COL5A1: variants seen among roughly 807,000 people sequenced by gnomAD.
The protein encoded by COL5A1 is collagen alpha-1(V) chain.
Under a neutral mutation model 263.7 loss-of-function variants are expected in COL5A1, and 16 were observed. The observed-to-expected ratio is 0.06, with a 90% CI of 0.04 to 0.09. The LOEUF is 0.09. Ranked by LOEUF, COL5A1 falls within the 10% of genes least tolerant of loss-of-function variation. COL5A1 has a pLI of 1.00. For missense variants in COL5A1, 2,036 were observed against 2,540.5 expected (o/e 0.80, Z 4.27); for synonymous variants, 1,012 against 1,004.5 (o/e 1.01, Z -0.14).
chr9:134,748,268 CAT>C (rs1295352139), intron 11 of COL5A1, among the ~76,000 whole-genome samples: 1 of 152,082 alleles, frequency 6.6e-6, no homozygotes, highest in East Asian at 1.9e-4. Flanking sequence ...CATGCACACA[CAT>C]GCCTTTACAC....
Position 134,757,832 on chromosome 9 carries a change from C to T in COL5A1, c.1882-411C>T, listed in dbSNP as rs945471487. ...CCAATGGGTACGCGTACCTCCTGAG[C>T]GCGGGCAGCCCCTCGGCACCATGGA... On this transcript the variant is annotated intron_variant, in intron 17 of 65. Coordinates refer to ENST00000371817, the MANE Select transcript of COL5A1 (RefSeq NM_000093.5). This position sits in a 1 kb window ranked among gnomAD's most constrained non-coding sequence, Gnocchi z 6.2. Among the ~76,000 whole-genome samples the T allele has an allele frequency of 2.6e-4, 40 of 152,134 alleles. No individual in the cohort carries two copies. Among genetic ancestry groups the T allele is most frequent in the Non-Finnish European group, 1.6e-4 (11 of 68,028 alleles).
At chr9:134,688,183 C>T (rs1031776146) in intron 1 of COL5A1, among the ~76,000 whole-genome samples, 7 of 152,214 alleles carry the variant, frequency 4.6e-5, no homozygotes, top group African/African-American at 1.4e-4. Flanking sequence ...CAGAGATCTG[C>T]GAACATGTCC....
At chr9:134,685,905 TCCATCCATCCATTCATCCATCCAC>T (rs1833060421) in intron 1 of COL5A1, among the ~76,000 whole-genome samples, 1 of 146,938 alleles carries the variant, frequency 6.8e-6, no homozygotes, top group Non-Finnish European at 1.5e-5. Context: ...CCAGCCACCA[TCCATCCATCCATTCATCCATCCAC>T]CCATCCATCC....
chr9:134,735,615 C>T (rs1415311961), intron 9 of COL5A1, among the ~76,000 whole-genome samples: 2 of 152,168 alleles, frequency 1.3e-5, no homozygotes, highest in African/African-American at 2.4e-5. Flanking sequence ...GCAAGGTCCC[C>T]GCCCGCGTTG....
chr9:134,703,239 A>G (rs1490449081), intron 4 of COL5A1, among the ~76,000 whole-genome samples: 2 of 152,166 alleles, frequency 1.3e-5, no homozygotes, highest in African/African-American at 2.4e-5. Context: ...TTTGCAAGCT[A>G]TTGAGACACA....
chr9:134,721,288 GCCCAGGCTCC>G (rs1339497923), intron 4 of COL5A1, among the ~76,000 whole-genome samples: 1 of 143,344 alleles, frequency 7.0e-6, no homozygotes, highest in Non-Finnish European at 1.5e-5. Context: ...ATCCAGGGCT[GCCCAGGCTCC>G]CCCATAGTAC....
intron 31 of COL5A1, among the ~76,000 whole-genome samples, chr9:134,788,233 C>A (rs1934533164): frequency 7.7e-6 from 1 of 129,802 alleles, no homozygotes; most frequent in African/African-American, 3.0e-5. Flanking sequence ...TAGGTAGACA[C>A]ATGGATAGAC....
chr9:134,807,577 G>C (rs1482208588), intron 42 of COL5A1, among the ~76,000 whole-genome samples: 2 of 152,222 alleles, frequency 1.3e-5, no homozygotes, highest in Middle Eastern at 3.2e-3. Flanking sequence ...ACAGGCGTGA[G>C]CCACTGCGCC....
chr9:134,842,257 C>T lies in COL5A1; in HGVS notation c.5471C>T (p.Ser1824Leu). 1 of 1,614,216 alleles carries T rather than the reference C, an allele frequency of 6.2e-7. No individual in the cohort carries two copies. The highest frequency in any genetic ancestry group is 8.5e-7 in the Non-Finnish European group (1 of 1,180,032). Residue 1824 changes from serine (S) to leucine (L), a missense_variant, in exon 66 of 66, where the codon TCA becomes TTA. By Grantham distance (145) the Ser-to-Leu change is moderately radical. Coordinates refer to ENST00000371817, the MANE Select transcript of COL5A1 (RefSeq NM_000093.5). This position sits in a 1 kb window ranked among gnomAD's most constrained non-coding sequence, Gnocchi z 5.8. ...DIMFNDFGEA[S>L]QKFGFEVGPA... ...ATGTTCAATGACTTCGGTGAAGCGT[C>T]ACAGAAATTTGGATTTGAAGTGGGG...
rs767803221 is a variant in COL5A1 at position 134,701,185 on chromosome 9, C to G, written c.506C>G (p.Ala169Gly). The G allele has an allele frequency of 6.2e-7, 1 of 1,613,964 alleles. No homozygotes were observed. Residue 169 changes from alanine (A) to glycine (G), a missense_variant, in exon 4 of 66, where the codon GCT (alanine) becomes GGT (glycine). Physicochemically the swap from Ala to Gly is moderately conservative, Grantham distance 60 (BLOSUM62 0). This residue lies in a region of COL5A1 where 600 missense variants were observed against 634.5 expected (regional missense o/e 0.95). Transcript: ENST00000371817. ...TTTCTTTGCAGGTGGCACAGAATTG[C>G]TCTCAGCGTCCACAAGAAAAATGTC... is the stretch of plus-strand genomic sequence containing the variant. ...NLSDGKWHRI[A>G]LSVHKKNVTL... is the part of the protein sequence containing the mutation.
intron 24 of COL5A1, among the ~76,000 whole-genome samples, chr9:134,767,935 GGGCTGCTGC>G (rs1306270902): frequency 6.6e-6 from 1 of 152,238 alleles, no homozygotes; most frequent in Admixed American, 6.5e-5. Flanking sequence ...ACAGAGGGCT[GGGCTGCTGC>G]CAGGCCTGGG....
intron 4 of COL5A1, among the ~76,000 whole-genome samples, chr9:134,707,058 G>T (rs1002033849): frequency 3.9e-5 from 6 of 152,202 alleles, no homozygotes; most frequent in African/African-American, 9.6e-5. Flanking sequence ...CGTCAGGGAG[G>T]CTGGGAGGCG....
At chr9:134,802,866 C>T (rs1305608845) in intron 38 of COL5A1, 22 bp from the exon 39 acceptor site, 4 of 1,565,040 alleles carry the variant, frequency 2.6e-6, no homozygotes, top group Non-Finnish European at 3.5e-6. Flanking sequence ...ACGTCTGTGG[C>T]TGACACTGAT....
At chr9:134,833,640 C>G (rs1839735252) in intron 64 of COL5A1, among the ~76,000 whole-genome samples, 1 of 152,158 alleles carries the variant, frequency 6.6e-6, no homozygotes, top group Admixed American at 6.6e-5. Flanking sequence ...GATCCCCGGT[C>G]ACCCCAGCCA....
At chr9:134,790,493 C>CCCAT (rs1837643331) in intron 32 of COL5A1, among the ~76,000 whole-genome samples, 1 of 81,250 alleles carries the variant, frequency 1.2e-5, no homozygotes, top group Non-Finnish European at 2.5e-5. Flanking sequence ...CACCCATCCA[C>CCCAT]CCACCCACCC....
At chr9:134,822,276 C>A (rs1490764231) in intron 59 of COL5A1, 126 bp downstream of exon 59, 2 of 810,482 alleles carry the variant, frequency 2.5e-6, no homozygotes, top group East Asian at 2.4e-5. Flanking sequence ...TTGGGGCCTC[C>A]AGGGTGGATT....
intron 19 of COL5A1, among the ~76,000 whole-genome samples, chr9:134,763,333 C>T (rs751411078): frequency 6.6e-6 from 1 of 152,226 alleles, no homozygotes; most frequent in African/African-American, 2.4e-5. Context: ...GAGGGTGGCC[C>T]AGGGGATCTT....
chr9:134,641,904 G>C lies in COL5A1; in HGVS notation c.-284G>C. 5.1e-6 allele frequency: 2 copies of C among 390,052 alleles called. No individual in the cohort carries two copies. The highest frequency in any genetic ancestry group is 9.1e-6 in the Non-Finnish European group (2 of 220,512). 24.2% of individuals were successfully genotyped at this position (390,052 alleles called of 1,614,324 possible). ...GGCGGCGGCGAGGAGGAGGCGAGAA[G>C]GAGTTGGAGGAGGAGGAGGAGGAGG... On this transcript the variant is annotated 5_prime_UTR_variant, in exon 1 of 66. Coordinates refer to ENST00000371817, the MANE Select transcript of COL5A1 (RefSeq NM_000093.5).
intron 4 of COL5A1, among the ~76,000 whole-genome samples, chr9:134,712,683 C>G (rs1183505360): frequency 7.0e-6 from 1 of 142,634 alleles, no homozygotes; most frequent in Non-Finnish European, 1.5e-5. Flanking sequence ...TTCTGCCCTC[C>G]TCCATCCTGC....
Sources: gnomAD v4.1 joint callset for allele counts (sites outside exome capture counted in the v4.1 genomes callset) on GRCh38, gnomAD v4.1.1 for gene constraint, gnomAD v4.1.1 regional missense constraint, Gnocchi (gnomAD v3.1) non-coding constraint, MANE v1.5 for transcripts, NCBI Gene and HGNC (gene_info 2026-07-23, HGNC 2026-07-21) for gene names.